Variants in IQUB observed in about 807,000 individuals in gnomAD.
The protein encoded by IQUB is IQ motif and ubiquitin-like domain-containing protein.
IQUB carries 86 observed loss-of-function variants against 86.4 expected under a neutral mutation model. The observed-to-expected ratio is 1.00, with a 90% CI of 0.84 to 1.19. The LOEUF is 1.19. Among genes scored for constraint, IQUB ranks in the 50% most tolerant of loss-of-function variants. The pLI, the probability that IQUB is intolerant of heterozygous loss-of-function variation, is 0.00. For missense variants in IQUB, 946 were observed against 916.9 expected (o/e 1.03, Z -0.41); for synonymous variants, 289 against 304.5 (o/e 0.95, Z 0.53).
At chr7:123,480,080 CAGAT>C in intron 7 of IQUB, 110 bp from the exon 8 acceptor site, 1 of 762,000 alleles carries the variant, frequency 1.3e-6, no homozygotes, top group Non-Finnish European at 2.1e-6. Flanking sequence ...AAAGTATACA[CAGAT>C]AGAATCATTT....
intron 7 of IQUB, among the ~76,000 whole-genome samples, chr7:123,491,582 C>T (rs1464509512): frequency 6.6e-6 from 1 of 152,046 alleles, no homozygotes; most frequent in Non-Finnish European, 1.5e-5. Context: ...TCCAACAACT[C>T]AGAAAAAAAT....
At position 123,512,254 on chromosome 7, in the gene IQUB, A is replaced by C; in HGVS notation, c.87T>G (p.Ile29Met). 2.5e-6 allele frequency: 4 copies of C among 1,613,290 alleles called. No homozygotes were observed. The highest frequency in any genetic ancestry group is 3.4e-6 in the Non-Finnish European group (4 of 1,179,306). The change falls in exon 2 of 13, where the codon ATT (isoleucine) becomes ATG (methionine). Residue 29 changes from isoleucine to methionine, a missense_variant. Coordinates refer to ENST00000324698, the MANE Select transcript of IQUB (RefSeq NM_178827.5). ...CTTGAGGCTCTTCTGAGGGAACTGG[A>C]ATAGTGACAGTATCAAAAGCATCAT... ...ESDDAFDTVT[I>M]PVPSEEPQES...
At chr7:123,473,644 C>T (rs903223509) in intron 8 of IQUB, among the ~76,000 whole-genome samples, 1 of 151,948 alleles carries the variant, frequency 6.6e-6, no homozygotes, top group African/African-American at 2.4e-5. Flanking sequence ...GGTGCAATCT[C>T]GGCTCACTGC....
intron 1 of IQUB, 55 bp downstream of exon 1, chr7:123,534,437 T>C (rs975456152): frequency 1.3e-5 from 2 of 152,660 alleles, no homozygotes; most frequent in African/African-American, 4.8e-5. Context: ...TCACCGGCTC[T>C]AGGCTGGATC....
At chr7:123,518,949 G>A (rs1040775304) in intron 1 of IQUB, among the ~76,000 whole-genome samples, 2 of 152,008 alleles carry the variant, frequency 1.3e-5, no homozygotes, top group Non-Finnish European at 1.5e-5. Flanking sequence ...AGTTTCCAGG[G>A]AGGCCTCCCT....
intron 9 of IQUB, among the ~76,000 whole-genome samples, chr7:123,466,369 T>C (rs1485524993): frequency 6.6e-6 from 1 of 152,172 alleles, no homozygotes; most frequent in Non-Finnish European, 1.5e-5. Flanking sequence ...TCAGGATTTA[T>C]ATTGTATTCC....
intron 7 of IQUB, among the ~76,000 whole-genome samples, chr7:123,488,579 C>T (rs574192658): frequency 6.8e-4 from 103 of 152,270 alleles, no homozygotes; most frequent in African/African-American, 2.4e-3. Context: ...GAAAACGTGA[C>T]TGAGTCCCTA....
intron 1 of IQUB, among the ~76,000 whole-genome samples, chr7:123,522,091 C>T (rs758866951): frequency 6.6e-6 from 1 of 152,108 alleles, no homozygotes; most frequent in Non-Finnish European, 1.5e-5. Context: ...AAGGCCATGA[C>T]CACTGTTTAC....
intron 1 of IQUB, among the ~76,000 whole-genome samples, chr7:123,522,711 T>C (rs1796963381): frequency 6.6e-6 from 1 of 152,102 alleles, no homozygotes; most frequent in Non-Finnish European, 1.5e-5. Context: ...AAAAATACTT[T>C]TATTATTATA....
At chr7:123,472,853 T>C (rs1435681528) in intron 8 of IQUB, among the ~76,000 whole-genome samples, 1 of 152,230 alleles carries the variant, frequency 6.6e-6, no homozygotes, top group Non-Finnish European at 1.5e-5. Flanking sequence ...CCTTTTTTCT[T>C]TGAAAGCTTT....
chr7:123,457,397 A>G lies in IQUB; in HGVS notation c.2177T>C (p.Leu726Pro). 1 of 1,611,606 alleles carries G rather than the reference A, an allele frequency of 6.2e-7. No individual in the cohort carries two copies. The highest frequency in any genetic ancestry group is 1.1e-5 in the South Asian group (1 of 90,808). Reference protein sequence around the residue: ...TKDEAAAHLKLTSIEEGYERS... With the variant: ...TKDEAAAHLKPTSIEEGYERS... The stretch of plus-strand genomic sequence containing the variant: ...CTTTCTTACCTCTTCAATACTTGTT[A>G]GCTTGAGATGAGCAGCTGCTTCATC... The change falls in exon 12 of 13, where the codon CTA becomes CCA. Residue 726 changes from leucine (L) to proline (P), a missense_variant. By Grantham distance (98) the Leu-to-Pro change is moderately conservative. Transcript: ENST00000324698.
intron 8 of IQUB, among the ~76,000 whole-genome samples, chr7:123,470,563 A>C (rs1423937502): frequency 1.3e-5 from 2 of 152,182 alleles, no homozygotes; most frequent in Admixed American, 1.3e-4. Context: ...ATTTAGAATG[A>C]CAGTAGGCTG....
intron 8 of IQUB, among the ~76,000 whole-genome samples, chr7:123,471,176 A>G (rs1029965689): frequency 1.3e-5 from 2 of 152,202 alleles, no homozygotes; most frequent in African/African-American, 4.8e-5. Flanking sequence ...ATATTAAATA[A>G]TGTATTATTA....
intron 8 of IQUB, among the ~76,000 whole-genome samples, chr7:123,471,746 C>A (rs1179464004): frequency 6.6e-6 from 1 of 152,082 alleles, no homozygotes; most frequent in African/African-American, 2.4e-5. Context: ...CAAACCCTAC[C>A]TCTTCCATAA....
intron 10 of IQUB, among the ~76,000 whole-genome samples, chr7:123,463,429 T>G (rs1794095209): frequency 6.6e-6 from 1 of 151,896 alleles, no homozygotes; most frequent in African/African-American, 2.4e-5. Context: ...CTCTTGTATA[T>G]CCAGATATTA....
chr7:123,497,793 A>C (rs886174020), intron 6 of IQUB, among the ~76,000 whole-genome samples: 13 of 150,700 alleles, frequency 8.6e-5, no homozygotes, highest in Non-Finnish European at 7.4e-5. Context: ...AAGAATAGAA[A>C]CTTTGAAGAA....
chr7:123,508,679 C>A (rs1796294498), intron 3 of IQUB, among the ~76,000 whole-genome samples: 1 of 152,202 alleles, frequency 6.6e-6, no homozygotes, highest in Non-Finnish European at 1.5e-5. Context: ...GCTCTCTCAT[C>A]CAGTTTTGAA....
chr7:123,480,324 G>A (rs1407484096), intron 7 of IQUB, among the ~76,000 whole-genome samples: 2 of 152,162 alleles, frequency 1.3e-5, no homozygotes, highest in South Asian at 2.1e-4. Flanking sequence ...TTGTCACAAC[G>A]GGTAAAGGTA....
chr7:123,485,018 G>C (rs1298196368), intron 7 of IQUB, among the ~76,000 whole-genome samples: 3 of 152,004 alleles, frequency 2.0e-5, no homozygotes, highest in African/African-American at 7.2e-5. Context: ...AGAGACACTG[G>C]GTGAGGACAA....
Sources: gnomAD v4.1 joint callset for allele counts (sites outside exome capture counted in the v4.1 genomes callset) on GRCh38, gnomAD v4.1.1 for gene constraint, MANE v1.5 for transcripts, NCBI Gene and HGNC (gene_info 2026-07-23, HGNC 2026-07-21) for gene names.